SLC22A5: variants seen among roughly 807,000 people sequenced by gnomAD.
SLC22A5 encodes the protein organic cation/carnitine transporter 2.
SLC22A5 carries 44 observed loss-of-function variants against 56.7 expected under a neutral mutation model. The ratio of observed to expected loss-of-function variants is 0.78; its 90% CI spans 0.61 to 1.00. SLC22A5 has a LOEUF of 1.00. Among genes scored for constraint, SLC22A5 ranks in the 50% least tolerant of loss-of-function variants. The pLI, the probability that SLC22A5 is intolerant of heterozygous loss-of-function variation, is 0.00. For missense variants in SLC22A5, 675 were observed against 723.0 expected, an observed-to-expected ratio of 0.93 and a Z score of 0.76; for synonymous variants, 278 against 292.1, an observed-to-expected ratio of 0.95 and a Z score of 0.49.
rs1752754154 is a variant in SLC22A5, at chr5:132,392,862, GC to G, written c.1450+249del. 2.0e-5 allele frequency among the ~76,000 whole-genome samples: 3 copies of G among 152,174 alleles called. No homozygotes were observed. The South Asian group carries it at 6.2e-4, about 32-fold the overall frequency. Reference sequence around the variant, plus strand: ...TATTAGAGGGTTTGTTTCTGTTTTAGCCATCCCAGGCCTTCCATCAGAGACT... The same window carrying G: ...TATTAGAGGGTTTGTTTCTGTTTTAGCATCCCAGGCCTTCCATCAGAGACT... On this transcript the variant is annotated intron_variant, in intron 8 of 9. Transcript: ENST00000245407.
intron 4 of SLC22A5, 104 bp from the exon 5 acceptor site, chr5:132,386,921 C>A: frequency 1.6e-6 from 2 of 1,226,330 alleles, no homozygotes; most frequent in Non-Finnish European, 1.2e-6. Flanking sequence ...ATTCCACAAG[C>A]TCTGGTTCTG....
At chr5:132,386,172 A>G (rs961610861) in intron 4 of SLC22A5, among the ~76,000 whole-genome samples, 4 of 152,110 alleles carry the variant, frequency 2.6e-5, no homozygotes, top group East Asian at 1.9e-4. Flanking sequence ...TAGAGCACTC[A>G]AGTGCCTTGA....
intron 1 of SLC22A5, among the ~76,000 whole-genome samples, chr5:132,371,614 A>G (rs1473384293): frequency 1.3e-5 from 2 of 152,144 alleles, no homozygotes; most frequent in Admixed American, 1.3e-4. Context: ...GCCCTCATTG[A>G]TAGATAGGCT....
chr5:132,369,833 C>T lies in SLC22A5; in HGVS notation c.-140C>T, dbSNP rs546897858. On this transcript the variant is annotated 5_prime_UTR_variant, in exon 1 of 10. Coordinates refer to ENST00000245407, the MANE Select transcript of SLC22A5 (RefSeq NM_003060.4). ...CAGGACCAAGGCGGCGGTGTCAGCTCGCGAGCCTACCCTCCGCGGACGGTC... is the reference window on the plus strand; with the variant it reads ...CAGGACCAAGGCGGCGGTGTCAGCTTGCGAGCCTACCCTCCGCGGACGGTC... 4 of 1,117,244 alleles carry T rather than the reference C, an allele frequency of 3.6e-6. No individual in the cohort carries two copies. Among genetic ancestry groups the T allele is most frequent in the South Asian group, 3.3e-5 (2 of 60,248 alleles). The allele number at this position is 1,117,244 out of a possible 1,614,324, so 69.2% of individuals were successfully genotyped here. A position where few individuals can be genotyped will look rare whatever the true frequency, so the allele number is the denominator to read the frequency against.
chr5:132,386,567 G>T (rs1474461255), intron 4 of SLC22A5, among the ~76,000 whole-genome samples: 3 of 152,178 alleles, frequency 2.0e-5, no homozygotes, highest in Admixed American at 2.0e-4. Context: ...TGACTAATCT[G>T]TTGGATAAAT....
intron 2 of SLC22A5, 171 bp downstream of exon 2, chr5:132,378,652 A>T: frequency 3.1e-6 from 2 of 644,218 alleles, no homozygotes; most frequent in Non-Finnish European, 5.6e-6. Flanking sequence ...AGAGCCAACA[A>T]ATCTGACTCC....
chr5:132,385,316 T>C lies in SLC22A5; in HGVS notation c.653-12T>C. ...ATTAAACTGCTAACTCGACCTCCCT[T>C]GTTTTGAACAGGGACAGAAATTCTT... On this transcript the variant is annotated splice_polypyrimidine_tract_variant and intron_variant, in intron 3 of 9. Transcript: ENST00000245407. 6.2e-7 allele frequency: 1 copy of C among 1,612,886 alleles called. No homozygotes were observed. Among genetic ancestry groups the C allele is most frequent in the Non-Finnish European group, 8.5e-7 (1 of 1,179,202 alleles).
At chr5:132,380,420 G>A (rs1340541664) in intron 2 of SLC22A5, 1 of 148,230 alleles carries the variant, frequency 6.7e-6, no homozygotes, top group Non-Finnish European at 1.5e-5. Context: ...GCAATAGTGT[G>A]ACAATCAGAT....
chr5:132,387,651 G>T (rs745852148), intron 5 of SLC22A5, among the ~76,000 whole-genome samples: 1 of 152,038 alleles, frequency 6.6e-6, no homozygotes, highest in Non-Finnish European at 1.5e-5. Context: ...GTCTCTTTCT[G>T]CCCTCCAATG....
chr5:132,380,591 G>C (rs1752314340), intron 2 of SLC22A5: 1 of 152,174 alleles, frequency 6.6e-6, no homozygotes, highest in African/African-American at 2.4e-5. Context: ...GAAATGGAGG[G>C]AAGTGGTAAG....
At chr5:132,379,009 G>A in intron 2 of SLC22A5, 1 of 167,730 alleles carries the variant, frequency 6.0e-6, no homozygotes, top group South Asian at 1.5e-4. Context: ...GTGGCCTGTG[G>A]TTTTGGCATT....
At chr5:132,377,847 CAAA>C (rs1752201001) in intron 1 of SLC22A5, 1 of 341,600 alleles carries the variant, frequency 2.9e-6, no homozygotes, top group African/African-American at 2.1e-5. Context: ...CTAAAGGTCA[CAAA>C]AAGGACCCGG....
intron 2 of SLC22A5, chr5:132,378,718 C>G: frequency 1.9e-6 from 1 of 532,930 alleles, no homozygotes; most frequent in Non-Finnish European, 3.4e-6. Flanking sequence ...TATCTGTGAC[C>G]CGGTTGACTA....
intron 6 of SLC22A5, 193 bp downstream of exon 6, chr5:132,389,214 G>A: frequency 1.7e-6 from 1 of 583,902 alleles, no homozygotes; most frequent in Non-Finnish European, 3.1e-6. Context: ...CAGAAAAGGA[G>A]AATGAAAACA....
chr5:132,394,342 C>A lies in SLC22A5; in HGVS notation c.*70C>A. 1 of 1,115,102 alleles carries A rather than the reference C, an allele frequency of 9.0e-7. No homozygotes were observed. 69.1% of individuals were successfully genotyped at this position (1,115,102 alleles called of 1,614,324 possible). A position where few individuals can be genotyped will look rare whatever the true frequency, so the allele number is the denominator to read the frequency against. On this transcript the variant is annotated 3_prime_UTR_variant, in exon 10 of 10. Coordinates refer to ENST00000245407, the MANE Select transcript of SLC22A5 (RefSeq NM_003060.4). Reference sequence around the variant, plus strand: ...GCCAGAAATGGCCAGCTTGTGCAGACTCCGAGTCCTTCAGTGACAAAAGGC... The same window carrying A: ...GCCAGAAATGGCCAGCTTGTGCAGAATCCGAGTCCTTCAGTGACAAAAGGC...
Position 132,369,958 on chromosome 5 carries a change from G to A in SLC22A5, c.-15G>A. On this transcript the variant is annotated 5_prime_UTR_variant, in exon 1 of 10. Coordinates refer to ENST00000245407, the MANE Select transcript of SLC22A5 (RefSeq NM_003060.4). Reference sequence around the variant, plus strand: ...CCCGACCCCAGGCCGCGCTCTGTGGGCCTCTGAGGGCGGCATGCGGGACTA... The same window carrying A: ...CCCGACCCCAGGCCGCGCTCTGTGGACCTCTGAGGGCGGCATGCGGGACTA... 1.2e-6 allele frequency: 2 copies of A among 1,612,266 alleles called. No homozygotes were observed. Among genetic ancestry groups the A allele is most frequent in the Non-Finnish European group, 1.7e-6 (2 of 1,179,486 alleles).
chr5:132,383,903 A>G (rs1752433020), intron 2 of SLC22A5: 2 of 561,374 alleles, frequency 3.6e-6, no homozygotes, highest in Middle Eastern at 3.4e-4. Flanking sequence ...TGCAATCATT[A>G]TCATAATTGT....
intron 4 of SLC22A5, among the ~76,000 whole-genome samples, chr5:132,386,702 T>C (rs1259434414): frequency 1.3e-5 from 2 of 152,160 alleles, no homozygotes; most frequent in Admixed American, 1.3e-4. Flanking sequence ...AAGCCAGGCT[T>C]CCGGAGCCCA....
chr5:132,373,425 C>T (rs1390481152), intron 1 of SLC22A5, among the ~76,000 whole-genome samples: 1 of 152,180 alleles, frequency 6.6e-6, no homozygotes, highest in East Asian at 1.9e-4. Flanking sequence ...CACTTGAGGT[C>T]GGGAGTTCAA....
Sources: allele counts gnomAD v4.1 joint callset (sites outside exome capture counted in the v4.1 genomes callset), GRCh38; gene constraint gnomAD v4.1.1; transcripts MANE v1.5; gene names NCBI Gene and HGNC (gene_info 2026-07-23, HGNC 2026-07-21).